DIS3L2: variants seen among roughly 807,000 people sequenced by gnomAD.
DIS3L2 encodes the protein DIS3-like exonuclease 2.
In DIS3L2, 34 loss-of-function variants were observed where a neutral mutation model predicts 97.5. The observed-to-expected ratio is 0.35, with a 90% CI of 0.27 to 0.46. The LOEUF is 0.46. Among genes scored for constraint, DIS3L2 ranks in the 20% least tolerant of loss-of-function variants. DIS3L2 has a pLI of 1.00. For missense variants in DIS3L2, 1,038 were observed against 1,146.0 expected (o/e 0.91, Z 1.36); for synonymous variants, 435 against 445.2 (o/e 0.98, Z 0.29).
At chr2:232,019,614 A>G (rs1341056469) in intron 3 of DIS3L2, among the ~76,000 whole-genome samples, 1 of 151,718 alleles carries the variant, frequency 6.6e-6, no homozygotes, top group Non-Finnish European at 1.5e-5. Context: ...GGATGAATTA[A>G]AGATGAGGGG....
intron 5 of DIS3L2, among the ~76,000 whole-genome samples, chr2:232,048,036 T>A (rs1051139064): frequency 6.6e-6 from 1 of 152,210 alleles, no homozygotes; most frequent in African/African-American, 2.4e-5. Flanking sequence ...ATGCACAAGA[T>A]TTTATATAAG....
downstream of DIS3L2, among the ~76,000 whole-genome samples, chr2:232,338,171 C>G (rs34939281): frequency 2.5e-3 from 374 of 152,174 alleles, 1 homozygote; most frequent in Non-Finnish European, 4.3e-3. Context: ...AGGGCCCTTC[C>G]CCTCCCCTCC....
chr2:232,029,591 T>C (rs959201515), intron 4 of DIS3L2, among the ~76,000 whole-genome samples: 1 of 152,124 alleles, frequency 6.6e-6, no homozygotes, highest in Non-Finnish European at 1.5e-5. Flanking sequence ...TTTCCTTCTC[T>C]TCTTTGCCCT....
intron 9 of DIS3L2, among the ~76,000 whole-genome samples, chr2:232,185,926 A>G (rs1047141439): frequency 6.6e-6 from 1 of 152,038 alleles, no homozygotes; most frequent in Non-Finnish European, 1.5e-5. Flanking sequence ...ACTTAAGTCA[A>G]TAAAATTGGA....
intron 1 of DIS3L2, among the ~76,000 whole-genome samples, chr2:231,973,899 ATAATAAT>A (rs1446636973): frequency 1.3e-5 from 2 of 152,168 alleles, no homozygotes; most frequent in African/African-American, 4.8e-5. Flanking sequence ...AACCACAATA[ATAATAAT>A]TAATAATAAA....
In DIS3L2 at chr2:232,291,396, A is replaced by G. The variant is rs557964849; in HGVS notation, c.1660-8644A>G. Among the ~76,000 whole-genome samples, 6 of 152,392 alleles carry G rather than the reference A, an allele frequency of 3.9e-5. No individual in the cohort carries two copies. The South Asian group carries it at 1.2e-3, about 32-fold the overall frequency. On this transcript the variant is annotated intron_variant, in intron 13 of 20. Transcript: ENST00000325385. ...CTTTTCTGATCTTTTAAATTCTGCC[A>G]TAAATGGCATAGCTGAAATGTTTGA...
chr2:232,317,784 A>G (rs1695317725), intron 14 of DIS3L2, among the ~76,000 whole-genome samples: 1 of 152,126 alleles, frequency 6.6e-6, no homozygotes, highest in South Asian at 2.1e-4. Context: ...ATTGTCACTG[A>G]ATTAATTGTC....
chr2:232,307,101 C>A (rs891346879), intron 14 of DIS3L2, among the ~76,000 whole-genome samples: 2 of 152,270 alleles, frequency 1.3e-5, no homozygotes, highest in African/African-American at 2.4e-5. Context: ...TGTGCCGTGC[C>A]TGTCTGCTCC....
At chr2:232,095,401 T>C (rs145569151) in intron 6 of DIS3L2, among the ~76,000 whole-genome samples, 450 of 152,342 alleles carry the variant, frequency 3.0e-3, no homozygotes, top group African/African-American at 9.9e-3. Flanking sequence ...AACAGCTTAC[T>C]GTTTTTATAA....
intron 1 of DIS3L2, among the ~76,000 whole-genome samples, chr2:231,987,740 T>G (rs11695302): frequency 0.011 from 1,714 of 152,352 alleles, 19 homozygotes; most frequent in Non-Finnish European, 0.016. Context: ...GCTGGTGTTT[T>G]GACTTCTTTT....
chr2:232,323,058 C>T (rs940467027), intron 14 of DIS3L2, among the ~76,000 whole-genome samples: 5 of 152,222 alleles, frequency 3.3e-5, no homozygotes, highest in Admixed American at 2.6e-4. Context: ...TCTGTGTGCC[C>T]GTGCCACCCC....
chr2:232,237,128 T>C (rs962200411), intron 10 of DIS3L2, among the ~76,000 whole-genome samples: 2 of 152,278 alleles, frequency 1.3e-5, no homozygotes, highest in African/African-American at 4.8e-5. Context: ...TACATGTATA[T>C]GTATGTACGT....
intron 5 of DIS3L2, among the ~76,000 whole-genome samples, chr2:232,086,648 T>TATATATATACAC: frequency 2.1e-5 from 1 of 46,540 alleles, no homozygotes; most frequent in African/African-American, 1.4e-4. Context: ...TATATATGTA[T>TATATATATACAC]ATATATATAT....
rs73095638 is a variant in DIS3L2 at position 232,134,855 on chromosome 2, T to C, written c.703-1617T>C. Among the ~76,000 whole-genome samples, 1,138 of 151,774 alleles carry C rather than the reference T, an allele frequency of 7.5e-3. 23 individuals are homozygous for C. Among genetic ancestry groups the C allele is most frequent in the African/African-American group, 0.026 (1,093 of 41,378 alleles). ...GAAAAAAAAAAGTGTGCATGTGGTA[T>C]TGGTATTGTGTGTGCGCACACACAC... On this transcript the variant is annotated intron_variant, in intron 7 of 20. Coordinates refer to ENST00000325385, the MANE Select transcript of DIS3L2 (RefSeq NM_152383.5).
intron 6 of DIS3L2, among the ~76,000 whole-genome samples, chr2:232,095,324 G>GT (rs1261516464): frequency 3.9e-5 from 6 of 151,972 alleles, no homozygotes; most frequent in African/African-American, 1.5e-4. Flanking sequence ...TTTGTTGTAT[G>GT]TTTTTTGATT....
chr2:232,044,531 A>G lies in DIS3L2; in HGVS notation c.366+14451A>G, dbSNP rs1298791863. On this transcript the variant is annotated intron_variant, in intron 5 of 20. Transcript: ENST00000325385. ...CAAGGGCAGAAGTTAGGGTAGGATG[A>G]TAAACTTGTTTCGACATGTTGAGTT... 9.9e-5 allele frequency among the ~76,000 whole-genome samples: 15 copies of G among 152,278 alleles called. 1 individual carries two copies. The East Asian group carries it at 2.9e-3, about 29-fold the overall frequency.
intron 10 of DIS3L2, among the ~76,000 whole-genome samples, chr2:232,232,403 G>GC (rs1283784924): frequency 6.6e-6 from 1 of 152,188 alleles, no homozygotes; most frequent in Non-Finnish European, 1.5e-5. Flanking sequence ...GGCAGGGAGA[G>GC]CAATAGGAGG....
At chr2:232,267,771 T>C (rs1693889493) in intron 13 of DIS3L2, among the ~76,000 whole-genome samples, 1 of 152,168 alleles carries the variant, frequency 6.6e-6, no homozygotes, top group Admixed American at 6.5e-5. Flanking sequence ...GCACTTCTGC[T>C]TCTTGGGACA....
chr2:232,333,746 C>A, intron 16 of DIS3L2, 94 bp from the exon 17 acceptor site: 1 of 1,477,726 alleles, frequency 6.8e-7, no homozygotes, highest in African/African-American at 1.4e-5. Flanking sequence ...GTCCACACAT[C>A]GCTGCCGACG....
Sources: gnomAD v4.1 joint callset for allele counts (sites outside exome capture counted in the v4.1 genomes callset) on GRCh38, gnomAD v4.1.1 for gene constraint, MANE v1.5 for transcripts, NCBI Gene and HGNC (gene_info 2026-07-23, HGNC 2026-07-21) for gene names.